Variants in EYA2 observed in about 807,000 individuals in gnomAD.
EYA2 encodes the protein EYA transcriptional coactivator and phosphatase 2.
EYA2 carries 31 observed loss-of-function variants against 69.2 expected under a neutral mutation model. The observed-to-expected ratio is 0.45, with a 90% confidence interval of 0.34 to 0.60. The LOEUF is 0.60. EYA2 is among the 20% of genes least tolerant of loss of function. EYA2 has a pLI of 0.02. For synonymous variants in EYA2, 257 were observed against 279.4 expected (o/e 0.92, Z 0.80); for missense variants, 622 against 701.2 (o/e 0.89, Z 1.28).
intron 1 of EYA2, among the ~76,000 whole-genome samples, chr20:46,974,475 A>G (rs1300236915): frequency 6.6e-6 from 1 of 152,136 alleles, no homozygotes; most frequent in Non-Finnish European, 1.5e-5. Flanking sequence ...GAAGAGGTAA[A>G]CAGTGAAGGG....
At chr20:47,184,839 G>A (rs1174889507) in intron 15 of EYA2, among the ~76,000 whole-genome samples, 1 of 152,114 alleles carries the variant, frequency 6.6e-6, no homozygotes, top group South Asian at 2.1e-4. Flanking sequence ...GGGAGGAGAC[G>A]GACTTACGAG....
At chr20:47,074,442 T>C (rs1468098445) in intron 7 of EYA2, 107 bp downstream of exon 7, 3 of 1,218,820 alleles carry the variant, frequency 2.5e-6, no homozygotes, top group Non-Finnish European at 3.5e-6. Flanking sequence ...TACCCAAGGG[T>C]CATTCATGGA....
rs527864223 is a variant in EYA2 at position 47,187,913 on chromosome 20, C to T, written c.1537-140C>T. The T allele has an allele frequency of 2.9e-4, 228 of 794,594 alleles. No homozygotes were observed. The African/African-American group carries it at 3.4e-3, about 12-fold the overall frequency. 49.2% of individuals were successfully genotyped at this position (794,594 alleles called of 1,614,324 possible). Reference sequence around the variant, plus strand: ...TGGCCAGATGTGGGTCTGCCAGCAACATCAAGTGCCCCATAGTTTGGGAAG... The same window carrying T: ...TGGCCAGATGTGGGTCTGCCAGCAATATCAAGTGCCCCATAGTTTGGGAAG... On this transcript the variant is annotated intron_variant, in intron 15 of 15. Coordinates refer to ENST00000327619, the MANE Select transcript of EYA2 (RefSeq NM_005244.5).
chr20:46,995,424 C>A (rs2146336384), intron 2 of EYA2, among the ~76,000 whole-genome samples: 1 of 152,260 alleles, frequency 6.6e-6, no homozygotes, highest in East Asian at 1.9e-4. Flanking sequence ...CTCAGTGGCA[C>A]CTCCCGCAAG....
At chr20:47,175,300 T>C (rs538121521) in intron 12 of EYA2, among the ~76,000 whole-genome samples, 2 of 152,224 alleles carry the variant, frequency 1.3e-5, no homozygotes, top group South Asian at 4.2e-4. Flanking sequence ...ATCTGCAAAA[T>C]ACAGAATAGA....
At chr20:47,147,513 C>A (rs2033727018) in intron 10 of EYA2, among the ~76,000 whole-genome samples, 1 of 152,108 alleles carries the variant, frequency 6.6e-6, no homozygotes. Flanking sequence ...AAGACTGAAG[C>A]AGAGGGAACA....
intron 10 of EYA2, among the ~76,000 whole-genome samples, chr20:47,163,440 T>C (rs1419735703): frequency 1.3e-5 from 2 of 152,114 alleles, no homozygotes; most frequent in Non-Finnish European, 2.9e-5. Context: ...GGCTCACGCC[T>C]GTAATCCCCG....
At position 47,081,344 on chromosome 20, in the gene EYA2, AAT is replaced by A. The variant is rs2031708254; in HGVS notation, c.661+7012_661+7013del. Among the ~76,000 whole-genome samples the A allele has an allele frequency of 4.6e-5, 7 of 152,312 alleles. No homozygotes were observed. The South Asian group carries it at 1.5e-3, about 32-fold the overall frequency. Reference sequence around the variant, plus strand: ...TGTTTTTAGTAAAAAAAAAATAAAAAATATGTGAATGTTAATTAGCTTGATTT... The same window carrying A: ...TGTTTTTAGTAAAAAAAAAATAAAAAATGTGAATGTTAATTAGCTTGATTT... On this transcript the variant is annotated intron_variant, in intron 7 of 15. Coordinates refer to ENST00000327619, the MANE Select transcript of EYA2 (RefSeq NM_005244.5).
chr20:47,143,879 T>A (rs1214269484), intron 10 of EYA2, among the ~76,000 whole-genome samples: 1 of 152,110 alleles, frequency 6.6e-6, no homozygotes, highest in African/African-American at 2.4e-5. Context: ...TGCAATCAAG[T>A]TCAGAGTGTA....
At chr20:46,957,578 CGA>C (rs1568686860) in intron 1 of EYA2, among the ~76,000 whole-genome samples, 1 of 66,586 alleles carries the variant, frequency 1.5e-5, no homozygotes, top group African/African-American at 4.8e-5. Context: ...CACACACACA[CGA>C]AGACAATGTG....
rs112850627 is a variant in EYA2, at chr20:47,021,139, C to T, written c.415+4842C>T. Among the ~76,000 whole-genome samples, 36 of 152,282 alleles carry T rather than the reference C, an allele frequency of 2.4e-4. 2 individuals are homozygous for T. Among genetic ancestry groups the T allele is most frequent in the African/African-American group, 8.7e-4 (36 of 41,566 alleles). On this transcript the variant is annotated intron_variant, in intron 5 of 15. Transcript: ENST00000327619. ...CTAACGCTCTCTAAACGTTAATTATCGTTATTATGATTGACATTGTTAGCC... is the reference window on the plus strand; with the variant it reads ...CTAACGCTCTCTAAACGTTAATTATTGTTATTATGATTGACATTGTTAGCC...
At chr20:47,014,012 A>G (rs938275881) in intron 4 of EYA2, among the ~76,000 whole-genome samples, 1 of 152,198 alleles carries the variant, frequency 6.6e-6, no homozygotes, top group African/African-American at 2.4e-5. Flanking sequence ...CTCAATTCCC[A>G]CATCTTTAAA....
intron 5 of EYA2, among the ~76,000 whole-genome samples, chr20:47,045,356 C>G (rs1219503238): frequency 6.6e-6 from 1 of 152,192 alleles, no homozygotes; most frequent in Non-Finnish European, 1.5e-5. Flanking sequence ...AAGGTGGAAA[C>G]TGCCAGCTAT....
At chr20:46,955,405 G>C (rs896194681) in intron 1 of EYA2, among the ~76,000 whole-genome samples, 19 of 152,194 alleles carry the variant, frequency 1.2e-4, no homozygotes, top group Admixed American at 1.0e-3. Context: ...TTATACTCAA[G>C]AACAAAGGCC....
intron 9 of EYA2, among the ~76,000 whole-genome samples, chr20:47,121,138 A>G (rs2033033556): frequency 6.6e-6 from 1 of 152,150 alleles, no homozygotes; most frequent in Admixed American, 6.5e-5. Context: ...TCTGTTGCCC[A>G]GGTTGGAGTG....
At chr20:47,049,637 C>T (rs1034839545) in intron 5 of EYA2, among the ~76,000 whole-genome samples, 17 of 150,516 alleles carry the variant, frequency 1.1e-4, no homozygotes, top group African/African-American at 4.1e-4. Context: ...GTTCCAGCTT[C>T]GCCTTCCGCC....
intron 9 of EYA2, among the ~76,000 whole-genome samples, chr20:47,129,743 C>T (rs552047052): frequency 6.6e-6 from 1 of 152,276 alleles, no homozygotes; most frequent in East Asian, 1.9e-4. Context: ...CTCACCGCCC[C>T]CCTCTCTTGG....
chr20:46,915,487 A>C (rs1984861210), intron 1 of EYA2, among the ~76,000 whole-genome samples: 2 of 152,158 alleles, frequency 1.3e-5, no homozygotes, highest in Non-Finnish European at 2.9e-5. Context: ...CAGACAGGCC[A>C]AGGAGGAGCC....
intron 1 of EYA2, among the ~76,000 whole-genome samples, chr20:46,954,341 T>C (rs1429347016): frequency 6.6e-6 from 1 of 152,084 alleles, no homozygotes; most frequent in Non-Finnish European, 1.5e-5. Flanking sequence ...TCAATAAATA[T>C]TTGTGGAAGA....
Sources: allele counts gnomAD v4.1 joint callset (sites outside exome capture counted in the v4.1 genomes callset), GRCh38; gene constraint gnomAD v4.1.1; transcripts MANE v1.5; gene names NCBI Gene and HGNC (gene_info 2026-07-23, HGNC 2026-07-21).